The following KIF14 variants were observed in gnomAD, a reference collection of about 807,000 sequenced individuals.
KIF14 encodes the protein kinesin family member 14.
KIF14 carries 98 observed loss-of-function variants against 176.2 expected under a neutral mutation model. That is an observed-to-expected ratio of 0.56 (90% CI 0.47 to 0.66). KIF14 has a LOEUF of 0.66. KIF14 is among the 30% of genes least tolerant of loss of function. The pLI, the probability that KIF14 is intolerant of heterozygous loss-of-function variation, is 0.00. For synonymous variants in KIF14, 566 were observed against 632.2 expected (o/e 0.90, Z 1.57); for missense variants, 1,751 against 1,920.4 (o/e 0.91, Z 1.65).
rs567414777 is a variant in KIF14, at chr1:200,552,627, G to A, written c.*761C>T. The A allele has an allele frequency of 1.2e-4, 18 of 151,954 alleles. 1 individual carries two copies. The East Asian group carries it at 3.5e-3, about 29-fold the overall frequency. The allele number at this position is 151,954 out of a possible 1,614,324, so 9.4% of individuals were successfully genotyped here. A position where few individuals can be genotyped will look rare whatever the true frequency, so the allele number is the denominator to read the frequency against. ...ATATTTAGGTAGCTACTTATAATTT[G>A]GAAAGAAACAGGAAGCTACACCCTT... On this transcript the variant is annotated 3_prime_UTR_variant, in exon 30 of 30. Coordinates refer to ENST00000367350, the MANE Select transcript of KIF14 (RefSeq NM_014875.3).
chr1:200,589,080 A>G (rs1658906140), intron 18 of KIF14, 137 bp downstream of exon 18: 1 of 637,368 alleles, frequency 1.6e-6, no homozygotes, highest in Non-Finnish European at 2.7e-6. Context: ...CTTTCAGGCA[A>G]GAAGTACTTT....
intron 13 of KIF14, among the ~76,000 whole-genome samples, 184 bp from the exon 14 acceptor site, chr1:200,598,605 C>A (rs191679705): frequency 2.0e-5 from 3 of 152,270 alleles, no homozygotes; most frequent in East Asian, 1.9e-4. Context: ...GTCACCCAGG[C>A]TGGAGTGCAG....
In KIF14 at chr1:200,586,105, A is replaced by G. The variant is rs1558067495; in HGVS notation, c.3237T>C (p.Phe1079=). Reference sequence around the variant, plus strand: ...CTAAAATCAGCACACACTTACCTGTAAAAGTTTTATCCCTATTATTCCGAT... The same window carrying G: ...CTAAAATCAGCACACACTTACCTGTGAAAGTTTTATCCCTATTATTCCGAT... ...QQNRNNRDKT[F]TVQTTWSSMK... is the part of the protein sequence containing the mutation. Residue 1079 remains phenylalanine (F), a synonymous_variant, in exon 19 of 30, where the codon TTT becomes TTC. Coordinates refer to ENST00000367350, the MANE Select transcript of KIF14 (RefSeq NM_014875.3). 1 of 1,556,612 alleles carries G rather than the reference A, an allele frequency of 6.4e-7. No homozygotes were observed. Among genetic ancestry groups the G allele is most frequent in the Non-Finnish European group, 8.7e-7 (1 of 1,143,466 alleles).
chr1:200,600,433 G>T lies in KIF14; in HGVS notation c.2223C>A (p.Tyr741Ter). 6.2e-7 allele frequency: 1 copy of T among 1,613,550 alleles called. No individual in the cohort carries two copies. Among genetic ancestry groups the T allele is most frequent in the South Asian group, 1.1e-5 (1 of 91,060 alleles). The change falls in exon 12 of 30, where the codon TAC (tyrosine) becomes TAA (stop). Residue 741 changes from tyrosine (Y) to a stop codon, truncating the protein, a stop_gained. Transcript: ENST00000367350. LOFTEE classifies it high-confidence loss of function. Reference protein sequence around the residue: ...RNSRNIDPERYRLCRQEITSL... With the variant: ...RNSRNIDPER ...ATGTTATTTCTTGCCGACAGAGCCT[G>T]TATCGTTCAGGGTCAATATTCCGAC... is the stretch of plus-strand genomic sequence containing the variant.
intron 22 of KIF14, among the ~76,000 whole-genome samples, chr1:200,573,481 C>T (rs772393212): frequency 8.7e-5 from 11 of 126,534 alleles, no homozygotes; most frequent in East Asian, 2.1e-4. Flanking sequence ...TAGCCCAGGC[C>T]GGATTGCAGT....
At chr1:200,576,503 G>C (rs575246002) in intron 21 of KIF14, among the ~76,000 whole-genome samples, 1 of 150,046 alleles carries the variant, frequency 6.7e-6, no homozygotes, top group South Asian at 2.1e-4. Context: ...AAAAGTAGGA[G>C]GTAAGTTAAA....
At chr1:200,611,576 G>C (rs1471533559) in intron 4 of KIF14, among the ~76,000 whole-genome samples, 2 of 152,112 alleles carry the variant, frequency 1.3e-5, no homozygotes, top group Admixed American at 6.5e-5. Context: ...TGTTATAGAG[G>C]CTCCAGGAGG....
intron 1 of KIF14, among the ~76,000 whole-genome samples, chr1:200,619,641 G>A (rs938313130): frequency 6.6e-6 from 1 of 152,218 alleles, no homozygotes; most frequent in Non-Finnish European, 1.5e-5. Flanking sequence ...GTGAGCCACC[G>A]CGTCCGGCCC....
In KIF14 at chr1:200,552,114, A is replaced by G. The variant is rs1225462197; in HGVS notation, c.*1274T>C. 6.6e-6 allele frequency: 1 copy of G among 152,210 alleles called. No individual in the cohort carries two copies. The highest frequency in any genetic ancestry group is 2.4e-5 in the African/African-American group (1 of 41,466). The allele number at this position is 152,210 out of a possible 1,614,324, so 9.4% of individuals were successfully genotyped here. A position where few individuals can be genotyped will look rare whatever the true frequency, so the allele number is the denominator to read the frequency against. On this transcript the variant is annotated 3_prime_UTR_variant, in exon 30 of 30. Coordinates refer to ENST00000367350, the MANE Select transcript of KIF14 (RefSeq NM_014875.3). ...TGTACAAGTAGTATCTGTAAATTCGAAAAGGGCAAATGAAAGGATCAGGTT... is the reference window on the plus strand; with the variant it reads ...TGTACAAGTAGTATCTGTAAATTCGGAAAGGGCAAATGAAAGGATCAGGTT...
rs1657381384 is a variant in KIF14 at position 200,565,221 on chromosome 1, T to C, written c.3919A>G (p.Thr1307Ala). 1.9e-6 allele frequency: 3 copies of C among 1,609,930 alleles called. No individual in the cohort carries two copies. The highest frequency in any genetic ancestry group is 2.2e-5 in the East Asian group (1 of 44,842). ...FSSDRAIQSL[T>A]IQTACAFEQL... The stretch of plus-strand genomic sequence containing the variant: ...TCAAAAGCACATGCAGTCTGAATAG[T>C]AAGTGACTGGATTGCTCGATCAGAA... Residue 1307 changes from threonine to alanine, a missense_variant, in exon 25 of 30, where the codon ACT (threonine) becomes GCT (alanine). Coordinates refer to ENST00000367350, the MANE Select transcript of KIF14 (RefSeq NM_014875.3).
At chr1:200,580,462 T>A in intron 20 of KIF14, 79 bp from the exon 21 acceptor site, 2 of 880,564 alleles carry the variant, frequency 2.3e-6, no homozygotes, top group South Asian at 8.1e-5. Flanking sequence ...TGGGGTAGAA[T>A]AATTTCCCTA....
chr1:200,608,859 T>C lies in KIF14; in HGVS notation c.1525A>G (p.Lys509Glu), dbSNP rs753605208. 6.2e-7 allele frequency: 1 copy of C among 1,608,436 alleles called. No individual in the cohort carries two copies. The highest frequency in any genetic ancestry group is 8.5e-7 in the Non-Finnish European group (1 of 1,175,314). The change falls in exon 5 of 30, where the codon AAA becomes GAA. Residue 509 changes from lysine to glutamate, a missense_variant. Lys to Glu is a moderately conservative substitution (Grantham distance 56). Transcript: ENST00000367350. ...NEKIHDLLVC[K>E]DENGQRKQPL... ...TGCTTTCTCTGCCCATTTTCATCTT[T>C]ACAAACCAGAAGGTCGTGAATTTTT... is the stretch of plus-strand genomic sequence containing the variant.
At chr1:200,565,823 A>G (rs1657417676) in intron 23 of KIF14, among the ~76,000 whole-genome samples, 154 bp from the exon 24 acceptor site, 1 of 152,218 alleles carries the variant, frequency 6.6e-6, no homozygotes, top group Admixed American at 6.5e-5. Flanking sequence ...TAGAAAAACA[A>G]AACTATTAGT....
At chr1:200,555,044 CA>C (rs1656760006) in intron 28 of KIF14, among the ~76,000 whole-genome samples, 1 of 152,068 alleles carries the variant, frequency 6.6e-6, no homozygotes, top group Non-Finnish European at 1.5e-5. Context: ...CTATCTAATT[CA>C]ACTGTATTTT....
At chr1:200,608,542 T>C (rs748881922) in intron 5 of KIF14, among the ~76,000 whole-genome samples, 34 of 152,134 alleles carry the variant, frequency 2.2e-4, no homozygotes, top group Non-Finnish European at 4.0e-4. Flanking sequence ...TTTTGTATTT[T>C]AGTAGAGACA....
At chr1:200,590,942 C>T (rs927558927) in intron 16 of KIF14, among the ~76,000 whole-genome samples, 3 of 151,830 alleles carry the variant, frequency 2.0e-5, no homozygotes, top group Non-Finnish European at 2.9e-5. Context: ...GGGAGGATGG[C>T]TTGAGGCCAG....
At chr1:200,593,085 G>C (rs1659137855) in intron 15 of KIF14, among the ~76,000 whole-genome samples, 1 of 152,114 alleles carries the variant, frequency 6.6e-6, no homozygotes, top group Non-Finnish European at 1.5e-5. Flanking sequence ...CCCAATTTTA[G>C]GAATGAGGAA....
rs1173621398 is a variant in KIF14, at chr1:200,598,335, T to C, written c.2451A>G (p.Leu817=). Residue 817 remains leucine, a synonymous_variant, in exon 14 of 30, where the codon CTA becomes CTG. Coordinates refer to ENST00000367350, the MANE Select transcript of KIF14 (RefSeq NM_014875.3). ...NEDPQLSEML[L]YMIKEGTTTV... ...TAGTTGTTCCTTCTTTTATCATATA[T>C]AGCAGCATCTCAGATAGTTGTGGAT... The C allele has an allele frequency of 1.9e-6, 3 of 1,613,184 alleles. No homozygotes were observed. The highest frequency in any genetic ancestry group is 1.3e-5 in the African/African-American group (1 of 74,906).
At chr1:200,570,261 T>C (rs1019660429) in intron 22 of KIF14, among the ~76,000 whole-genome samples, 3 of 152,200 alleles carry the variant, frequency 2.0e-5, no homozygotes, top group Non-Finnish European at 4.4e-5. Flanking sequence ...TGTGGTAAAA[T>C]GTGGCAAACA....
Sources: allele counts gnomAD v4.1 joint callset (sites outside exome capture counted in the v4.1 genomes callset), GRCh38; gene constraint gnomAD v4.1.1; transcripts MANE v1.5; gene names NCBI Gene and HGNC (gene_info 2026-07-23, HGNC 2026-07-21).